The following ZNF507 variants were observed in gnomAD, a reference collection of about 807,000 sequenced individuals.
ZNF507 encodes zinc finger protein 507.
In ZNF507, 29 loss-of-function variants were observed where a neutral mutation model predicts 80.0. The ratio of observed to expected loss-of-function variants is 0.36; its 90% CI spans 0.27 to 0.49. The LOEUF (loss-of-function observed/expected upper bound fraction) is 0.49. Ranked by LOEUF, ZNF507 falls within the 20% of genes least tolerant of loss-of-function variation. The pLI, the probability that ZNF507 is intolerant of heterozygous loss-of-function variation, is 0.98. For missense variants in ZNF507, 1,081 were observed against 1,152.2 expected, an observed-to-expected ratio of 0.94 and a Z score of 0.90; for synonymous variants, 462 against 422.5, an observed-to-expected ratio of 1.09 and a Z score of -1.15.
intron 5 of ZNF507, among the ~76,000 whole-genome samples, chr19:32,364,749 G>A (rs1967375444): frequency 6.6e-6 from 1 of 152,100 alleles, no homozygotes; most frequent in African/African-American, 2.4e-5. Context: ...ATGGGCATTT[G>A]GGTTGGTTCC....
intron 5 of ZNF507, among the ~76,000 whole-genome samples, chr19:32,366,463 C>T (rs1967400288): frequency 6.6e-6 from 1 of 151,600 alleles, no homozygotes; most frequent in African/African-American, 2.4e-5. Context: ...TGGAATCATA[C>T]AGTACATATT....
chr19:32,349,309 A>G lies in ZNF507; in HGVS notation c.-3+1971A>G, dbSNP rs117574980. ...TGTAATCCCTCTGACAGAGAGCAGA[A>G]TGGAAAGGAGGATACAGTGAGCCTA... On this transcript the variant is annotated intron_variant, in intron 2 of 6. Transcript: ENST00000355898. 4.0e-3 allele frequency among the ~76,000 whole-genome samples: 612 copies of G among 152,344 alleles called. 4 individuals are homozygous for G. Among genetic ancestry groups the G allele is most frequent in the Middle Eastern group, 0.024 (7 of 294 alleles).
chr19:32,365,942 T>TGA (rs1462643472), intron 5 of ZNF507, among the ~76,000 whole-genome samples: 2 of 152,200 alleles, frequency 1.3e-5, no homozygotes, highest in Admixed American at 1.3e-4. Context: ...ATGGGTCTGA[T>TGA]TCTATAAGCT....
rs1480378647 is a variant in ZNF507 at position 32,383,077 on chromosome 19, A to C, written c.2856A>C (p.Thr952=). 6.2e-7 allele frequency: 1 copy of C among 1,609,608 alleles called. No homozygotes were observed. Among genetic ancestry groups the C allele is most frequent in the African/African-American group, 1.3e-5 (1 of 74,802 alleles). The change falls in exon 7 of 7, where the codon ACA becomes ACC. Residue 952 remains threonine, a synonymous_variant. Transcript: ENST00000355898. The part of the protein sequence containing the change: ...LNKDHNTALN[T]N ...AGGACCACAATACAGCTCTAAACAC[A>C]AATTAGGTGGAATAATGACTCGAGC...
chr19:32,384,218 T>A lies in ZNF507; in HGVS notation c.*1135T>A, dbSNP rs776459803. 2.0e-5 allele frequency: 3 copies of A among 152,222 alleles called. No individual in the cohort carries two copies. The highest frequency in any genetic ancestry group is 4.4e-5 in the Non-Finnish European group (3 of 68,040). 9.4% of individuals were successfully genotyped at this position (152,222 alleles called of 1,614,324 possible). A position where few individuals can be genotyped will look rare whatever the true frequency, so the allele number is the denominator to read the frequency against. ...AATAACAAATAGCATTTGGCAAGTC[T>A]ATAGGATTCTTCCTATCTGGAAATT... On this transcript the variant is annotated 3_prime_UTR_variant, in exon 7 of 7. Coordinates refer to ENST00000355898, the MANE Select transcript of ZNF507 (RefSeq NM_001136156.2).
chr19:32,380,131 T>G (rs1377286267), intron 5 of ZNF507, among the ~76,000 whole-genome samples: 1 of 152,212 alleles, frequency 6.6e-6, no homozygotes, highest in Admixed American at 6.5e-5. Flanking sequence ...GTGATACATT[T>G]CCCTGATTGT....
At chr19:32,363,817 C>T (rs1265601586) in intron 5 of ZNF507, among the ~76,000 whole-genome samples, 1 of 152,096 alleles carries the variant, frequency 6.6e-6, no homozygotes, top group Non-Finnish European at 1.5e-5. Flanking sequence ...GGTAGGCAGG[C>T]AGAGCTCATT....
chr19:32,376,452 T>C (rs1967548040), intron 5 of ZNF507, among the ~76,000 whole-genome samples: 1 of 152,180 alleles, frequency 6.6e-6, no homozygotes, highest in African/African-American at 2.4e-5. Flanking sequence ...AAAGTGATCC[T>C]GGAGCGTCTC....
chr19:32,375,746 A>G (rs1039134722), intron 5 of ZNF507, among the ~76,000 whole-genome samples: 8 of 152,244 alleles, frequency 5.3e-5, no homozygotes, highest in African/African-American at 1.9e-4. Context: ...CCCTTTGTTT[A>G]ACGATTTCCA....
chr19:32,356,248 G>A (rs1967250216), intron 3 of ZNF507, among the ~76,000 whole-genome samples: 1 of 152,174 alleles, frequency 6.6e-6, no homozygotes, highest in Non-Finnish European at 1.5e-5. Flanking sequence ...AAAATTAGGA[G>A]TCTGGTGATT....
In ZNF507 at chr19:32,354,331, G is replaced by T; in HGVS notation, c.1501G>T (p.Val501Phe). Residue 501 changes from valine to phenylalanine, a missense_variant, in exon 3 of 7, where the codon GTC becomes TTC. By Grantham distance (50) the Val-to-Phe change is conservative. Transcript: ENST00000355898. ...ACACTCATTAGCTGCAGAAGCCCTTGTCACAATGCCTATAAGAGCTGCAGA... is the reference window on the plus strand; with the variant it reads ...ACACTCATTAGCTGCAGAAGCCCTTTTCACAATGCCTATAAGAGCTGCAGA... Reference protein sequence around the residue: ...RLHSLAAEALVTMPIRAAELT... With the variant: ...RLHSLAAEALFTMPIRAAELT... 4.3e-6 allele frequency: 7 copies of T among 1,614,172 alleles called. No individual in the cohort carries two copies. The highest frequency in any genetic ancestry group is 5.9e-6 in the Non-Finnish European group (7 of 1,180,040).
chr19:32,353,661 C>G lies in ZNF507; in HGVS notation c.831C>G (p.Ser277=). 1 of 1,614,180 alleles carries G rather than the reference C, an allele frequency of 6.2e-7. No homozygotes were observed. The highest frequency in any genetic ancestry group is 8.5e-7 in the Non-Finnish European group (1 of 1,180,048). The change falls in exon 3 of 7, where the codon TCC becomes TCG. Residue 277 remains serine (S), a synonymous_variant. Transcript: ENST00000355898. ...AWKHAGEVDC[S]YPIFENENEP... ...AACATGCTGGGGAGGTTGATTGCTC[C>G]TATCCAATCTTTGAAAATGAAAATG...
rs1016887373 is a variant in ZNF507 at position 32,384,463 on chromosome 19, G to C, written c.*1380G>C. ...ATTCTGCCTACAAGTGAAAAGGTCGGTGCGCTCTTCTGTGCACCATCCTCA... is the reference window on the plus strand; with the variant it reads ...ATTCTGCCTACAAGTGAAAAGGTCGCTGCGCTCTTCTGTGCACCATCCTCA... On this transcript the variant is annotated 3_prime_UTR_variant, in exon 7 of 7. Transcript: ENST00000355898. 6.6e-6 allele frequency: 1 copy of C among 152,230 alleles called. No individual in the cohort carries two copies. The highest frequency in any genetic ancestry group is 1.5e-5 in the Non-Finnish European group (1 of 68,026). The allele number at this position is 152,230 out of a possible 1,614,324, so 9.4% of individuals were successfully genotyped here. A position where few individuals can be genotyped will look rare whatever the true frequency, so the allele number is the denominator to read the frequency against.
chr19:32,362,695 T>C (rs966334301), intron 5 of ZNF507, among the ~76,000 whole-genome samples: 3 of 152,210 alleles, frequency 2.0e-5, no homozygotes, highest in African/African-American at 7.2e-5. Flanking sequence ...TATTCACAGA[T>C]TCATAGGATT....
At chr19:32,356,003 AAAAAG>A (rs1967246969) in intron 3 of ZNF507, among the ~76,000 whole-genome samples, 1 of 152,148 alleles carries the variant, frequency 6.6e-6, no homozygotes, top group Non-Finnish European at 1.5e-5. Flanking sequence ...CATCTCAAAA[AAAAAG>A]GTAACAGGAA....
chr19:32,378,885 G>T (rs1967588338), intron 5 of ZNF507, among the ~76,000 whole-genome samples: 1 of 152,148 alleles, frequency 6.6e-6, no homozygotes, highest in Non-Finnish European at 1.5e-5. Context: ...TGAAAGTGAG[G>T]AGGCGAGTGT....
rs1318266009 is a variant in ZNF507, at chr19:32,353,337, A to G, written c.507A>G (p.Glu169=). The stretch of plus-strand genomic sequence containing the variant: ...ATATTACATCTAGAAGCCAGGAGGA[A>G]CTTGAAGCCCACGTGGTGAATGACC... ...ECHITSRSQE[E]LEAHVVNDHD... The change falls in exon 3 of 7, where the codon GAA becomes GAG. Residue 169 remains glutamate, a synonymous_variant. Transcript: ENST00000355898. The G allele has an allele frequency of 2.5e-6, 4 of 1,614,264 alleles. No homozygotes were observed. Among genetic ancestry groups the G allele is most frequent in the Admixed American group, 3.3e-5 (2 of 60,028 alleles).
At chr19:32,362,860 T>C (rs1289012300) in intron 5 of ZNF507, among the ~76,000 whole-genome samples, 1 of 152,172 alleles carries the variant, frequency 6.6e-6, no homozygotes, top group Middle Eastern at 3.2e-3. Context: ...TAGATACAGT[T>C]TTGTCATATC....
In ZNF507 at chr19:32,382,699, G is replaced by C; in HGVS notation, c.2496-18G>C. 6.2e-7 allele frequency: 1 copy of C among 1,609,696 alleles called. No individual in the cohort carries two copies. The highest frequency in any genetic ancestry group is 8.5e-7 in the Non-Finnish European group (1 of 1,177,410). On this transcript the variant is annotated intron_variant, in intron 6 of 6. Transcript: ENST00000355898. ...TTGTAGCCTCCTCACGGTGTGCTGT[G>C]TTTGTTTTGTTTTTAAGAGTTCTGG...
Sources: gnomAD v4.1 joint callset for allele counts (sites outside exome capture counted in the v4.1 genomes callset) on GRCh38, gnomAD v4.1.1 for gene constraint, MANE v1.5 for transcripts, NCBI Gene and HGNC (gene_info 2026-07-23, HGNC 2026-07-21) for gene names.